GPR107: variants seen among roughly 807,000 people sequenced by gnomAD.
GPR107 encodes protein GPR107.
Under a neutral mutation model 75.5 loss-of-function variants are expected in GPR107, and 31 were observed. The ratio of observed to expected loss-of-function variants is 0.41; its 90% CI spans 0.31 to 0.55. GPR107 has a LOEUF of 0.55. GPR107 is among the 20% of genes least tolerant of loss of function. The pLI, the probability that GPR107 is intolerant of heterozygous loss-of-function variation, is 0.26. For missense variants in GPR107, 572 were observed against 665.7 expected (o/e 0.86, Z 1.55); for synonymous variants, 267 against 251.3 (o/e 1.06, Z -0.59).
At position 130,135,322 on chromosome 9, in the gene GPR107, CT is replaced by C; in HGVS notation, c.*202del. 1 of 461,188 alleles carries C rather than the reference CT, an allele frequency of 2.2e-6. No homozygotes were observed. The highest frequency in any genetic ancestry group is 3.8e-6 in the Non-Finnish European group (1 of 261,906). The allele number at this position is 461,188 out of a possible 1,614,324, so 28.6% of individuals were successfully genotyped here. A position where few individuals can be genotyped will look rare whatever the true frequency, so the allele number is the denominator to read the frequency against. On this transcript the variant is annotated 3_prime_UTR_variant, in exon 18 of 18. Transcript: ENST00000347136. ...ACGATCTGTGGCTGTTTAGAGGCAG[CT>C]GGATCCTCTTTCAGGCGGGAATGGG...
At position 130,135,126 on chromosome 9, in the gene GPR107, GCCGA is replaced by G. The variant is rs782100549; in HGVS notation, c.*8_*11del. 4 of 1,555,886 alleles carry G rather than the reference GCCGA, an allele frequency of 2.6e-6. No individual in the cohort carries two copies. The highest frequency in any genetic ancestry group is 3.5e-6 in the Non-Finnish European group (4 of 1,131,954). On this transcript the variant is annotated 3_prime_UTR_variant, in exon 18 of 18. Coordinates refer to ENST00000347136, the MANE Select transcript of GPR107 (RefSeq NM_020960.5). ...GAGTGGGAAGGCGCCGTGTGACAGA[GCCGA>G]CCCTGAGGATGGCACTGTCCAAGGA...
At chr9:130,124,986 C>T in intron 15 of GPR107, 22 bp downstream of exon 15, 1 of 1,116,038 alleles carries the variant, frequency 9.0e-7, no homozygotes, top group Non-Finnish European at 1.3e-6. Context: ...AAAAAAAAAT[C>T]CTCAATCTAT....
chr9:130,105,453 C>T (rs886805708), intron 13 of GPR107, among the ~76,000 whole-genome samples: 10 of 152,022 alleles, frequency 6.6e-5, no homozygotes, highest in African/African-American at 1.9e-4. Flanking sequence ...GACAGGGTTT[C>T]GCCATTTTGG....
chr9:130,059,234 G>A (rs773883689), intron 1 of GPR107, among the ~76,000 whole-genome samples: 8 of 152,150 alleles, frequency 5.3e-5, no homozygotes, highest in Non-Finnish European at 1.0e-4. Context: ...GCTCATGCCT[G>A]TAATGGCCTT....
At chr9:130,092,443 T>C in intron 9 of GPR107, 62 bp downstream of exon 9, 2 of 1,422,088 alleles carry the variant, frequency 1.4e-6, no homozygotes, top group African/African-American at 2.8e-5. Flanking sequence ...CACTGTTTGT[T>C]GGCTCCTGAA....
At chr9:130,062,646 C>T (rs1296402132) in intron 1 of GPR107, among the ~76,000 whole-genome samples, 1 of 76,918 alleles carries the variant, frequency 1.3e-5, no homozygotes. Flanking sequence ...GCCTGCCTGC[C>T]TGCCTGCCTG....
At chr9:130,096,901 G>A (rs1830887749) in intron 9 of GPR107, among the ~76,000 whole-genome samples, 1 of 152,218 alleles carries the variant, frequency 6.6e-6, no homozygotes, top group South Asian at 2.1e-4. Context: ...CCATGTGGCT[G>A]AGTGTGCATC....
At chr9:130,075,784 CTTT>C (rs11446412) in intron 2 of GPR107, 35 bp downstream of exon 2, 2,056 of 670,026 alleles carry the variant, frequency 3.1e-3, no homozygotes, top group Middle Eastern at 4.1e-3. Context: ...GGGGTTTACT[CTTT>C]TTTTTTTTTT....
chr9:130,076,740 T>C (rs146712475), intron 3 of GPR107, among the ~76,000 whole-genome samples: 1 of 152,092 alleles, frequency 6.6e-6, no homozygotes, highest in East Asian at 1.9e-4. Flanking sequence ...CTCAAACTCC[T>C]GGACTCAAGG....
chr9:130,109,087 C>T (rs1352340442), intron 14 of GPR107, among the ~76,000 whole-genome samples: 1 of 150,284 alleles, frequency 6.7e-6, no homozygotes, highest in East Asian at 2.0e-4. Flanking sequence ...GCAACCTCCA[C>T]CTCCTGGGTT....
rs187729802 is a variant in GPR107 at position 130,136,439 on chromosome 9, G to T, written c.*1318G>T. 1 of 152,180 alleles carries T rather than the reference G, an allele frequency of 6.6e-6. No individual in the cohort carries two copies. The highest frequency in any genetic ancestry group is 2.4e-5 in the African/African-American group (1 of 41,442). 9.4% of individuals were successfully genotyped at this position (152,180 alleles called of 1,614,324 possible). On this transcript the variant is annotated 3_prime_UTR_variant, in exon 18 of 18. Transcript: ENST00000347136. ...CATCAGGGAAGCTTCTTAATGCTTG[G>T]GGGGCCAGCTAGGTAGGGTTGCTTC...
At chr9:130,100,723 GAA>G in intron 11 of GPR107, 21 bp downstream of exon 11, 1 of 1,536,938 alleles carries the variant, frequency 6.5e-7, no homozygotes, top group Non-Finnish European at 9.0e-7. Flanking sequence ...AGGTCCATGT[GAA>G]ATACACCATG....
intron 5 of GPR107, among the ~76,000 whole-genome samples, chr9:130,081,076 T>C (rs765163280): frequency 1.3e-5 from 2 of 151,992 alleles, no homozygotes; most frequent in Non-Finnish European, 2.9e-5. Flanking sequence ...TAGCCATGCG[T>C]AGTGGCATGT....
chr9:130,118,967 C>G (rs938816994), intron 14 of GPR107, among the ~76,000 whole-genome samples: 9 of 152,226 alleles, frequency 5.9e-5, no homozygotes, highest in Non-Finnish European at 7.3e-5. Context: ...CTCATTCTTT[C>G]ACCGTATTTG....
chr9:130,067,998 C>T (rs185038766), intron 1 of GPR107, among the ~76,000 whole-genome samples: 20 of 151,984 alleles, frequency 1.3e-4, no homozygotes, highest in South Asian at 6.2e-4. Flanking sequence ...CCTCAGCCCC[C>T]CAAAGTGCTG....
intron 1 of GPR107, among the ~76,000 whole-genome samples, chr9:130,059,876 T>C (rs558882954): frequency 2.0e-5 from 3 of 151,850 alleles, no homozygotes; most frequent in Non-Finnish European, 2.9e-5. Context: ...GTAGTTGGGA[T>C]TACAGGCACC....
Position 130,092,285 on chromosome 9 carries a change from C to T in GPR107, c.767C>T (p.Ser256Leu). The T allele has an allele frequency of 1.2e-6, 2 of 1,608,080 alleles. No individual in the cohort carries two copies. Among genetic ancestry groups the T allele is most frequent in the Non-Finnish European group, 1.7e-6 (2 of 1,174,436 alleles). ...GAGAAGAATCCTGACAGCTACCTCT[C>T]AGCAGGAGAAATTCCTCTCCCCAAA... ...ITEKNPDSYL[S>L]AGEIPLPKLY... Residue 256 changes from serine to leucine, a missense_variant, in exon 9 of 18, where the codon TCA becomes TTA. Physicochemically the swap from Ser to Leu is moderately radical, Grantham distance 145. Transcript: ENST00000347136.
At chr9:130,092,227 T>C in intron 8 of GPR107, 21 bp from the exon 9 acceptor site, 1 of 1,602,650 alleles carries the variant, frequency 6.2e-7, no homozygotes, top group Non-Finnish European at 8.5e-7. Flanking sequence ...AAAGTAAAAA[T>C]TAATTTCATG....
At position 130,075,749 on chromosome 9, in the gene GPR107, T is replaced by G. The variant is rs1830329908; in HGVS notation, c.255T>G (p.Thr85=). The change falls in exon 2 of 18, where the codon ACT becomes ACG. Residue 85 remains threonine (T), a splice_region_variant and synonymous_variant. Transcript: ENST00000347136. ...ATGAGCCTGAAGACAAGGATGTGACTGTAAGTACCTTTTAATGAGATCCAG... is the reference window on the plus strand; with the variant it reads ...ATGAGCCTGAAGACAAGGATGTGACGGTAAGTACCTTTTAATGAGATCCAG... ...SLNEPEDKDV[T]IGFSLDRTKN... is the part of the protein sequence containing the mutation. The G allele has an allele frequency of 7.1e-7, 1 of 1,412,852 alleles. No individual in the cohort carries two copies. The highest frequency in any genetic ancestry group is 1.7e-5 in the Admixed American group (1 of 59,584). The allele number at this position is 1,412,852 out of a possible 1,614,324, so 87.5% of individuals were successfully genotyped here.
Sources: allele counts gnomAD v4.1 joint callset (sites outside exome capture counted in the v4.1 genomes callset), GRCh38; gene constraint gnomAD v4.1.1; transcripts MANE v1.5; gene names NCBI Gene and HGNC (gene_info 2026-07-23, HGNC 2026-07-21).